PLCB1: variants seen among roughly 807,000 people sequenced by gnomAD.
PLCB1 encodes phospholipase C beta 1, also known as 1-phosphatidylinositol 4,5-bisphosphate phosphodiesterase beta-1.
A neutral mutation model predicts 161.8 loss-of-function variants in PLCB1; 46 were observed. The ratio of observed to expected loss-of-function variants is 0.28; its 90% CI spans 0.22 to 0.36. The LOEUF (loss-of-function observed/expected upper bound fraction) is 0.36. Ranked by LOEUF, PLCB1 falls within the 10% of genes least tolerant of loss-of-function variation. The pLI is 1.00. For synonymous variants in PLCB1, 517 were observed against 503.7 expected (o/e 1.03, Z -0.35); for missense variants, 1,016 against 1,472.5 (o/e 0.69, Z 5.07).
At chr20:8,826,368 G>A (rs1275821650) in intron 31 of PLCB1, among the ~76,000 whole-genome samples, 7 of 151,936 alleles carry the variant, frequency 4.6e-5, no homozygotes, top group African/African-American at 7.2e-5. Context: ...GGTGGCAGGC[G>A]CCTGTAGTCC....
rs140369878 is a variant in PLCB1 at position 8,301,651 on chromosome 20, C to T, written c.178-69731C>T. On this transcript the variant is annotated intron_variant, in intron 2 of 31. Coordinates refer to ENST00000338037, the MANE Select transcript of PLCB1 (RefSeq NM_015192.4). ...GTCCTTCTGGTCATGCTGTTTCTAC[C>T]GTCTGGAATACCCTCCCCCACCTTT... Among the ~76,000 whole-genome samples, 72 of 152,242 alleles carry T rather than the reference C, an allele frequency of 4.7e-4. 1 individual carries two copies. Among genetic ancestry groups the T allele is most frequent in the African/African-American group, 1.6e-3 (65 of 41,540 alleles).
chr20:8,395,350 G>A (rs954226784), intron 3 of PLCB1, among the ~76,000 whole-genome samples: 6 of 151,840 alleles, frequency 4.0e-5, no homozygotes, highest in Non-Finnish European at 8.8e-5. Flanking sequence ...TCTTTAGAAG[G>A]CATTGTCTAC....
chr20:8,780,373 T>G (rs569845177), intron 27 of PLCB1, among the ~76,000 whole-genome samples: 10 of 152,284 alleles, frequency 6.6e-5, no homozygotes, highest in African/African-American at 1.9e-4. Flanking sequence ...TTCTTCCTCC[T>G]TTTTAGCGGC....
At chr20:8,490,899 C>CATATATAT (rs568550757) in intron 3 of PLCB1, among the ~76,000 whole-genome samples, 8 of 148,616 alleles carry the variant, frequency 5.4e-5, no homozygotes, top group African/African-American at 2.0e-4. Flanking sequence ...TATATGTACA[C>CATATATAT]ATATATATGT....
At chr20:8,277,267 A>T (rs995033431) in intron 2 of PLCB1, among the ~76,000 whole-genome samples, 12 of 151,998 alleles carry the variant, frequency 7.9e-5, no homozygotes, top group Non-Finnish European at 1.5e-4. Context: ...ATCGTATATG[A>T]GGATCCCATC....
intron 2 of PLCB1, among the ~76,000 whole-genome samples, chr20:8,258,561 T>A (rs1166497213): frequency 1.3e-5 from 2 of 152,160 alleles, no homozygotes; most frequent in Admixed American, 1.3e-4. Flanking sequence ...TGCTAGACCT[T>A]AAAAATCTGA....
chr20:8,362,374 A>G (rs1986571301), intron 2 of PLCB1, among the ~76,000 whole-genome samples: 1 of 152,208 alleles, frequency 6.6e-6, no homozygotes, highest in African/African-American at 2.4e-5. Flanking sequence ...AAATTACAAA[A>G]ATATATCTCT....
At chr20:8,269,117 G>A (rs560715955) in intron 2 of PLCB1, among the ~76,000 whole-genome samples, 9 of 152,030 alleles carry the variant, frequency 5.9e-5, no homozygotes, top group African/African-American at 1.4e-4. Flanking sequence ...TAATTTCTGG[G>A]GTACATGTGC....
intron 2 of PLCB1, among the ~76,000 whole-genome samples, chr20:8,240,153 T>A (rs1980524869): frequency 6.6e-6 from 1 of 151,614 alleles, no homozygotes; most frequent in Non-Finnish European, 1.5e-5. Flanking sequence ...TTTTTTTTCA[T>A]GAAAAAAAAC....
At chr20:8,725,567 G>A (rs770402391) in intron 16 of PLCB1, among the ~76,000 whole-genome samples, 7 of 152,122 alleles carry the variant, frequency 4.6e-5, no homozygotes, top group Non-Finnish European at 7.4e-5. Flanking sequence ...TCTTCACTTA[G>A]TGGTATATGC....
At chr20:8,587,179 A>AATAT (rs1200947565) in intron 3 of PLCB1, among the ~76,000 whole-genome samples, 3 of 144,308 alleles carry the variant, frequency 2.1e-5, no homozygotes, top group Non-Finnish European at 3.1e-5. Context: ...TCAATTAAAA[A>AATAT]ATATATATAT....
intron 1 of PLCB1, among the ~76,000 whole-genome samples, chr20:8,139,081 G>GTTTTTTTTTTTTTTTTTTT (rs71329695): frequency 1.1e-5 from 1 of 91,628 alleles, no homozygotes; most frequent in African/African-American, 4.4e-5. Context: ...TATTTCAAGG[G>GTTTTTTTTTTTTTTTTTTT]TTTTTTTTTT....
chr20:8,668,564 G>C (rs1989871004), intron 9 of PLCB1, among the ~76,000 whole-genome samples: 1 of 152,162 alleles, frequency 6.6e-6, no homozygotes, highest in Admixed American at 6.5e-5. Context: ...CATAGAGTTT[G>C]GAAGGTGATT....
At chr20:8,689,718 A>G (rs1990431795) in intron 10 of PLCB1, among the ~76,000 whole-genome samples, 1 of 152,006 alleles carries the variant, frequency 6.6e-6, no homozygotes, top group Non-Finnish European at 1.5e-5. Context: ...AAAAATTTAC[A>G]ATCAAATTAA....
At chr20:8,505,240 A>C (rs1983590797) in intron 3 of PLCB1, among the ~76,000 whole-genome samples, 1 of 151,904 alleles carries the variant, frequency 6.6e-6, no homozygotes, top group Non-Finnish European at 1.5e-5. Context: ...TTTACCCCAC[A>C]CTCTCAACAA....
intron 3 of PLCB1, among the ~76,000 whole-genome samples, chr20:8,425,206 A>G (rs1055317075): frequency 4.0e-4 from 61 of 151,250 alleles, no homozygotes; most frequent in Non-Finnish European, 8.8e-5. Flanking sequence ...TTTGCAACCA[A>G]TCAGAGGCTA....
intron 3 of PLCB1, among the ~76,000 whole-genome samples, chr20:8,428,647 G>C (rs1703634): frequency 0.47 from 71,374 of 152,084 alleles, 17,181 homozygotes; most frequent in African/African-American, 0.52. Context: ...AGAGAACGAC[G>C]ATTTCACTGC....
chr20:8,385,178 T>C (rs990961874), intron 3 of PLCB1, among the ~76,000 whole-genome samples: 14 of 152,188 alleles, frequency 9.2e-5, no homozygotes, highest in African/African-American at 3.1e-4. Flanking sequence ...CTCCTCTCCC[T>C]GGGGCTCAGG....
In PLCB1 at chr20:8,628,323, G is replaced by C. The variant is rs544893918; in HGVS notation, c.276G>C (p.Val92=). 4 of 1,613,708 alleles carry C rather than the reference G, an allele frequency of 2.5e-6. No individual in the cohort carries two copies. In the African/African-American group the frequency reaches 5.3e-5, roughly 22 times the overall value. The stretch of plus-strand genomic sequence containing the variant: ...CCAAATTACGTGAACTTTTGGATGT[G>C]GGGAACATCGGGCGCCTGGAGCAGC... ...KDPKLRELLD[V]GNIGRLEQRM... is the part of the protein sequence containing the mutation. Residue 92 remains valine, a synonymous_variant, in exon 4 of 32, where the codon GTG becomes GTC. Coordinates refer to ENST00000338037, the MANE Select transcript of PLCB1 (RefSeq NM_015192.4).
Sources: allele counts gnomAD v4.1 joint callset (sites outside exome capture counted in the v4.1 genomes callset), GRCh38; gene constraint gnomAD v4.1.1; transcripts MANE v1.5; gene names NCBI Gene and HGNC (gene_info 2026-07-23, HGNC 2026-07-21).